PTPRD: variants seen among roughly 807,000 people sequenced by gnomAD.
PTPRD encodes the protein receptor-type tyrosine-protein phosphatase delta.
PTPRD carries 34 observed loss-of-function variants against 214.5 expected under a neutral mutation model. The ratio of observed to expected loss-of-function variants is 0.16; its 90% CI spans 0.12 to 0.21. The LOEUF (loss-of-function observed/expected upper bound fraction) is 0.21, where lower values mean the gene tolerates loss of function less well. PTPRD is among the 10% of genes least tolerant of loss of function. The pLI is 1.00. For missense variants in PTPRD, 2,545 were observed against 2,398.7 expected (o/e 1.06, Z -1.27); for synonymous variants, 1,128 against 845.7 (o/e 1.33, Z -5.79).
chr9:8,741,672 C>T (rs1287862317), intron 11 of PTPRD, among the ~76,000 whole-genome samples: 2 of 135,926 alleles, frequency 1.5e-5, no homozygotes, highest in East Asian at 4.4e-4. Flanking sequence ...CAACCCCCAA[C>T]CCCCACTTCC....
intron 10 of PTPRD, among the ~76,000 whole-genome samples, chr9:9,076,997 T>C (rs2099752192): frequency 1.3e-5 from 2 of 152,060 alleles, no homozygotes; most frequent in Non-Finnish European, 2.9e-5. Flanking sequence ...AAAGCCATTT[T>C]AACTGGGATA....
At chr9:8,487,648 A>G (rs2097055372) in intron 27 of PTPRD, among the ~76,000 whole-genome samples, 1 of 151,984 alleles carries the variant, frequency 6.6e-6, no homozygotes. Flanking sequence ...CTGTCTCTAC[A>G]AAAAACACAA....
intron 9 of PTPRD, among the ~76,000 whole-genome samples, chr9:9,289,510 A>C (rs997387420): frequency 7.2e-5 from 11 of 151,794 alleles, no homozygotes; most frequent in Non-Finnish European, 1.6e-4. Flanking sequence ...CTCTCTTCAA[A>C]TTTTAAGTAA....
chr9:8,544,623 C>T (rs576463110), intron 14 of PTPRD, among the ~76,000 whole-genome samples: 4 of 151,754 alleles, frequency 2.6e-5, no homozygotes, highest in African/African-American at 4.8e-5. Context: ...GCGCCAGCCA[C>T]TGTGCCCAGC....
At chr9:9,983,132 T>G (rs1037735929) in intron 4 of PTPRD, among the ~76,000 whole-genome samples, 2 of 151,774 alleles carry the variant, frequency 1.3e-5, no homozygotes, top group African/African-American at 4.8e-5. Context: ...TGGATGCAAA[T>G]CAAATGTACC....
At chr9:9,304,674 T>C (rs1054860720) in intron 9 of PTPRD, among the ~76,000 whole-genome samples, 1 of 151,022 alleles carries the variant, frequency 6.6e-6, no homozygotes, top group Non-Finnish European at 1.5e-5. Flanking sequence ...GATTATATAT[T>C]TCCCTAGAAA....
At chr9:8,430,060 G>T (rs978557442) in intron 35 of PTPRD, among the ~76,000 whole-genome samples, 1 of 152,070 alleles carries the variant, frequency 6.6e-6, no homozygotes, top group African/African-American at 2.4e-5. Context: ...TGCTGTTGTT[G>T]TAACTACTTA....
intron 5 of PTPRD, among the ~76,000 whole-genome samples, chr9:9,903,810 G>A (rs1318161666): frequency 6.6e-6 from 1 of 151,918 alleles, no homozygotes; most frequent in Admixed American, 6.6e-5. Flanking sequence ...TTAACATGAA[G>A]CACCATCATG....
rs771122539 is a variant in PTPRD at position 9,558,148 on chromosome 9, C to T, written c.-237+16584G>A. Among the ~76,000 whole-genome samples, 75 of 152,238 alleles carry T rather than the reference C, an allele frequency of 4.9e-4. 1 individual carries two copies. The highest frequency in any genetic ancestry group is 8.2e-4 in the Non-Finnish European group (56 of 68,024). On this transcript the variant is annotated intron_variant, in intron 8 of 45. Transcript: ENST00000381196. ...CTCTCTGTCTTTCTCTGGGTGCCAG[C>T]GCGCCCACCATGTCAAGCCATGTTG... is the stretch of plus-strand genomic sequence containing the variant.
chr9:8,595,473 G>T (rs747623586), intron 14 of PTPRD, among the ~76,000 whole-genome samples: 4 of 152,058 alleles, frequency 2.6e-5, no homozygotes, highest in Non-Finnish European at 5.9e-5. Flanking sequence ...CTGGATATAA[G>T]CCATGAGTGG....
At chr9:9,557,894 G>A (rs151237270) in intron 8 of PTPRD, among the ~76,000 whole-genome samples, 5 of 152,112 alleles carry the variant, frequency 3.3e-5, no homozygotes, top group Non-Finnish European at 5.9e-5. Flanking sequence ...TTTATTCAGC[G>A]GCAGCTCTCT....
At chr9:9,699,059 A>C (rs373350317) in intron 7 of PTPRD, among the ~76,000 whole-genome samples, 1 of 152,108 alleles carries the variant, frequency 6.6e-6, no homozygotes, top group Admixed American at 6.6e-5. Context: ...TCTTCTACTC[A>C]TGTTTATTGA....
intron 12 of PTPRD, 139 bp downstream of exon 12, chr9:8,733,641 G>A: frequency 1.2e-6 from 1 of 825,656 alleles, no homozygotes; most frequent in Admixed American, 2.3e-5. Flanking sequence ...AAGGCTGGCT[G>A]GTAGCCAAGG....
intron 14 of PTPRD, among the ~76,000 whole-genome samples, chr9:8,565,600 C>A (rs2088677602): frequency 6.6e-6 from 1 of 151,992 alleles, no homozygotes; most frequent in East Asian, 1.9e-4. Flanking sequence ...ACTGGAAATA[C>A]CATACTTGAC....
At chr9:9,034,727 G>C (rs187471194) in intron 10 of PTPRD, among the ~76,000 whole-genome samples, 1 of 152,202 alleles carries the variant, frequency 6.6e-6, no homozygotes, top group Non-Finnish European at 1.5e-5. Flanking sequence ...CCAGAGGCGA[G>C]TTATCCATCT....
chr9:8,464,598 C>A (rs1425812826), intron 32 of PTPRD, among the ~76,000 whole-genome samples: 2 of 151,874 alleles, frequency 1.3e-5, no homozygotes, highest in Admixed American at 1.3e-4. Flanking sequence ...AACTGGGTTG[C>A]CACACCTGTC....
intron 9 of PTPRD, among the ~76,000 whole-genome samples, chr9:9,334,213 C>T (rs2043507232): frequency 1.3e-5 from 2 of 151,904 alleles, no homozygotes; most frequent in African/African-American, 4.8e-5. Flanking sequence ...AACAATAAAA[C>T]AGACATGATC....
At chr9:9,038,553 GTT>G (rs35388432) in intron 10 of PTPRD, among the ~76,000 whole-genome samples, 23,640 of 127,582 alleles carry the variant, frequency 0.19, 1,517 homozygotes, top group Non-Finnish European at 0.24. Context: ...TGTGATAACG[GTT>G]TTTTTTTTTT....
At chr9:8,345,666 G>C (rs1442515835) in intron 39 of PTPRD, among the ~76,000 whole-genome samples, 1 of 152,040 alleles carries the variant, frequency 6.6e-6, no homozygotes, top group Non-Finnish European at 1.5e-5. Flanking sequence ...CAAAATAATT[G>C]TATCATGATC....
Sources: gnomAD v4.1 joint callset for allele counts (sites outside exome capture counted in the v4.1 genomes callset) on GRCh38, gnomAD v4.1.1 for gene constraint, MANE v1.5 for transcripts, NCBI Gene and HGNC (gene_info 2026-07-23, HGNC 2026-07-21) for gene names.